Variants in RASA1 observed in about 807,000 individuals in gnomAD.
RASA1 encodes RAS p21 protein activator 1, also known as ras GTPase-activating protein 1.
A neutral mutation model predicts 132.2 loss-of-function variants in RASA1; 25 were observed. That is an observed-to-expected ratio of 0.19 (90% CI 0.14 to 0.26). The LOEUF (loss-of-function observed/expected upper bound fraction) is 0.26, where lower values mean the gene tolerates loss of function less well. Among genes scored for constraint, RASA1 ranks in the 10% least tolerant of loss-of-function variants. The pLI is 1.00. For missense variants in RASA1, 964 were observed against 1,299.2 expected (o/e 0.74, Z 3.97); for synonymous variants, 477 against 449.9 (o/e 1.06, Z -0.76).
At chr5:87,290,265 A>C (rs990770297) in intron 1 of RASA1, among the ~76,000 whole-genome samples, 1 of 152,246 alleles carries the variant, frequency 6.6e-6, no homozygotes, top group African/African-American at 2.4e-5. Flanking sequence ...AGGGACAGGA[A>C]TGCAGTTTGA....
At chr5:87,310,504 A>G (rs1424890473) in intron 1 of RASA1, among the ~76,000 whole-genome samples, 3 of 152,186 alleles carry the variant, frequency 2.0e-5, no homozygotes. Flanking sequence ...TTTACAACTA[A>G]TGGAGTCTGA....
intron 1 of RASA1, among the ~76,000 whole-genome samples, chr5:87,323,699 T>G (rs1442483595): frequency 1.3e-5 from 2 of 152,170 alleles, no homozygotes; most frequent in Non-Finnish European, 2.9e-5. Flanking sequence ...TGGCTATATA[T>G]CTTTTGATAA....
chr5:87,360,124 G>GTT (rs755443447), intron 9 of RASA1, among the ~76,000 whole-genome samples: 5,202 of 132,598 alleles, frequency 0.039, 236 homozygotes, highest in African/African-American at 0.1. Flanking sequence ...TCAAAATGCA[G>GTT]TTTTTTTTTT....
At chr5:87,343,930 C>G (rs554917314) in intron 6 of RASA1, among the ~76,000 whole-genome samples, 1 of 152,252 alleles carries the variant, frequency 6.6e-6, no homozygotes, top group South Asian at 2.1e-4. Flanking sequence ...ATGAATGGAA[C>G]TGGCAAATAC....
intron 1 of RASA1, among the ~76,000 whole-genome samples, chr5:87,276,187 C>T (rs2112236995): frequency 6.6e-6 from 1 of 151,868 alleles, no homozygotes; most frequent in East Asian, 1.9e-4. Flanking sequence ...TGAGTTCTTC[C>T]TTCAGGCCCA....
chr5:87,326,361 A>G (rs1415475102), intron 1 of RASA1, among the ~76,000 whole-genome samples: 2 of 152,160 alleles, frequency 1.3e-5, no homozygotes, highest in African/African-American at 4.8e-5. Flanking sequence ...CTTTTTTAAC[A>G]TGCAGTTTCA....
intron 1 of RASA1, among the ~76,000 whole-genome samples, chr5:87,303,144 A>G (rs1439116016): frequency 6.6e-6 from 1 of 152,098 alleles, no homozygotes; most frequent in Non-Finnish European, 1.5e-5. Flanking sequence ...CTTTACATTA[A>G]TTCTCAATGT....
chr5:87,297,741 C>G (rs1252781936), intron 1 of RASA1, among the ~76,000 whole-genome samples: 2 of 152,154 alleles, frequency 1.3e-5, no homozygotes, highest in Non-Finnish European at 1.5e-5. Context: ...GGATTTTTCT[C>G]TGATATTTAC....
intron 1 of RASA1, among the ~76,000 whole-genome samples, chr5:87,277,007 T>G (rs974239163): frequency 1.3e-5 from 2 of 151,926 alleles, no homozygotes; most frequent in Non-Finnish European, 2.9e-5. Context: ...TATAATTCAT[T>G]TTTTTTTAAA....
In RASA1 at chr5:87,363,593, A is replaced by G. The variant is rs1412632435; in HGVS notation, c.1610+89A>G. 9.7e-6 allele frequency: 14 copies of G among 1,436,360 alleles called. No homozygotes were observed. In the East Asian group the frequency reaches 3.0e-4, roughly 31 times the overall value. The allele number at this position is 1,436,360 out of a possible 1,614,324, so 89.0% of individuals were successfully genotyped here. A position where few individuals can be genotyped will look rare whatever the true frequency, so the allele number is the denominator to read the frequency against. On this transcript the variant is annotated intron_variant, in intron 11 of 24. Coordinates refer to ENST00000274376, the MANE Select transcript of RASA1 (RefSeq NM_002890.3). ...GCAAACCAATTTTGAGAGCCCTAAA[A>G]TCATCTTCTAAAAGTAGCAGATGCA...
At position 87,267,942 on chromosome 5, in the gene RASA1, C is replaced by T. The variant is rs987158183; in HGVS notation, c.-510C>T. The T allele has an allele frequency of 2.8e-5, 11 of 392,374 alleles. No homozygotes were observed. Among genetic ancestry groups the T allele is most frequent in the Non-Finnish European group, 4.9e-5 (11 of 224,276 alleles). 24.3% of individuals were successfully genotyped at this position (392,374 alleles called of 1,614,324 possible). A position where few individuals can be genotyped will look rare whatever the true frequency, so the allele number is the denominator to read the frequency against. ...TCGATTTCCTCGTTACCCCGCCCCCCTTTCTCTTGCCCCCCCACCCCTCTC... is the reference window on the plus strand; with the variant it reads ...TCGATTTCCTCGTTACCCCGCCCCCTTTTCTCTTGCCCCCCCACCCCTCTC... On this transcript the variant is annotated 5_prime_UTR_variant, in exon 1 of 25. Transcript: ENST00000274376.
intron 19 of RASA1, 32 bp downstream of exon 19, chr5:87,379,882 T>TTG (rs748470400): frequency 1.3e-6 from 2 of 1,599,026 alleles, no homozygotes; most frequent in South Asian, 2.2e-5. Context: ...TGACAAGAAA[T>TTG]TGTGTATCTA....
intron 1 of RASA1, among the ~76,000 whole-genome samples, chr5:87,322,371 T>G (rs1756889218): frequency 6.6e-6 from 1 of 152,104 alleles, no homozygotes; most frequent in Non-Finnish European, 1.5e-5. Context: ...GGGATATAGG[T>G]TGTGTGCTCC....
intron 1 of RASA1, among the ~76,000 whole-genome samples, chr5:87,322,073 G>A (rs750147024): frequency 1.3e-5 from 2 of 152,110 alleles, no homozygotes; most frequent in African/African-American, 2.4e-5. Flanking sequence ...GGGTCTGGTG[G>A]GTGTTTGGAT....
At chr5:87,275,327 G>A (rs1022728411) in intron 1 of RASA1, among the ~76,000 whole-genome samples, 1 of 152,132 alleles carries the variant, frequency 6.6e-6, no homozygotes, top group African/African-American at 2.4e-5. Context: ...GTTATCTATT[G>A]CTGCATAATA....
At chr5:87,269,324 A>G in intron 1 of RASA1, 1 of 1,533,096 alleles carries the variant, frequency 6.5e-7, no homozygotes, top group Non-Finnish European at 8.7e-7. Flanking sequence ...GCGGCTACCA[A>G]GGCAGTCATA....
chr5:87,391,882 G>GGTTAA lies in RASA1; in HGVS notation c.*1005_*1009dup, dbSNP rs886060850. 5 of 230,394 alleles carry GGTTAA rather than the reference G, an allele frequency of 2.2e-5. No homozygotes were observed. The highest frequency in any genetic ancestry group is 1.1e-4 in the African/African-American group (5 of 44,930). 14.3% of individuals were successfully genotyped at this position (230,394 alleles called of 1,614,324 possible). On this transcript the variant is annotated 3_prime_UTR_variant, in exon 25 of 25. Transcript: ENST00000274376. ...TGTATTTTTGTGAAGTATTCACAAAGGTTAAGTTAAAATAAAACCAAGGGA... is the reference window on the plus strand; with the variant it reads ...TGTATTTTTGTGAAGTATTCACAAAGGTTAAGTTAAGTTAAAATAAAACCAAGGGA...
chr5:87,326,723 T>G (rs1580268613), intron 1 of RASA1, among the ~76,000 whole-genome samples: 1 of 152,168 alleles, frequency 6.6e-6, no homozygotes, highest in East Asian at 1.9e-4. Context: ...GGGGGCTCTT[T>G]GGGGGTTTCC....
chr5:87,276,574 T>C (rs1247100932), intron 1 of RASA1, among the ~76,000 whole-genome samples: 1 of 152,060 alleles, frequency 6.6e-6, no homozygotes, highest in African/African-American at 2.4e-5. Context: ...GCATTACTGG[T>C]AGGGAAATAA....
Sources: gnomAD v4.1 joint callset for allele counts (sites outside exome capture counted in the v4.1 genomes callset) on GRCh38, gnomAD v4.1.1 for gene constraint, MANE v1.5 for transcripts, NCBI Gene and HGNC (gene_info 2026-07-23, HGNC 2026-07-21) for gene names.